The following SLC9C1 variants were observed in gnomAD, a reference collection of about 807,000 sequenced individuals.
SLC9C1 encodes solute carrier family 9 member C1.
In SLC9C1, 97 loss-of-function variants were observed where a neutral mutation model predicts 140.9. The ratio of observed to expected loss-of-function variants is 0.69; its 90% CI spans 0.58 to 0.82. SLC9C1 has a LOEUF of 0.82. SLC9C1 is among the 40% of genes least tolerant of loss of function. The probability of loss-of-function intolerance (pLI) is 0.00; values close to 1 mark genes in which losing one functional copy is unlikely to be tolerated. For missense variants in SLC9C1, 1,340 were observed against 1,389.3 expected, an observed-to-expected ratio of 0.96 and a Z score of 0.56; for synonymous variants, 440 against 442.6, an observed-to-expected ratio of 0.99 and a Z score of 0.07.
In SLC9C1 at chr3:112,184,756, C is replaced by T. The variant is rs554345382; in HGVS notation, c.2524-2498G>A. On this transcript the variant is annotated intron_variant, in intron 20 of 28. Transcript: ENST00000305815. ...CCACAAGCATGGATCAGCCCCCAGCCGGACCCCCTGAGGCTACAAACCGTG... is the reference window on the plus strand; with the variant it reads ...CCACAAGCATGGATCAGCCCCCAGCTGGACCCCCTGAGGCTACAAACCGTG... Among the ~76,000 whole-genome samples the T allele has an allele frequency of 5.9e-5, 9 of 152,324 alleles. No homozygotes were observed. In the South Asian group the frequency reaches 1.2e-3, roughly 21 times the overall value.
At chr3:112,217,764 A>G (rs1394253173) in intron 14 of SLC9C1, among the ~76,000 whole-genome samples, 1 of 152,202 alleles carries the variant, frequency 6.6e-6, no homozygotes, top group African/African-American at 2.4e-5. Context: ...AACAGAGAGT[A>G]TTAAAAATTG....
At chr3:112,237,526 T>C (rs1182317006) in intron 12 of SLC9C1, among the ~76,000 whole-genome samples, 1 of 152,196 alleles carries the variant, frequency 6.6e-6, no homozygotes, top group African/African-American at 2.4e-5. Flanking sequence ...TTTTGCTCGT[T>C]AGTTGATGCA....
intron 23 of SLC9C1, among the ~76,000 whole-genome samples, chr3:112,174,663 T>A (rs2077304043): frequency 2.0e-5 from 3 of 152,256 alleles, no homozygotes; most frequent in South Asian, 4.1e-4. Flanking sequence ...ATATGGTGGC[T>A]GCCATGTGCT....
chr3:112,202,714 C>T (rs2077937619), intron 17 of SLC9C1, among the ~76,000 whole-genome samples: 2 of 151,964 alleles, frequency 1.3e-5, no homozygotes. Flanking sequence ...AATTAATCTT[C>T]TGTGCTTAGG....
chr3:112,227,082 A>G (rs1174425620), intron 13 of SLC9C1, among the ~76,000 whole-genome samples: 1 of 152,138 alleles, frequency 6.6e-6, no homozygotes, highest in Non-Finnish European at 1.5e-5. Context: ...CCTGGGGGGA[A>G]TGGATAAATT....
In SLC9C1 at chr3:112,244,052, A is replaced by G; in HGVS notation, c.1222T>C (p.Cys408Arg). The G allele has an allele frequency of 6.2e-7, 1 of 1,605,672 alleles. No homozygotes were observed. The highest frequency in any genetic ancestry group is 8.5e-7 in the Non-Finnish European group (1 of 1,175,332). ...CTATTGACAACAAGGGTTATTAGGC[A>G]TACTAACACTCCATGAAATAATATC... ...SQILFHGVLV[C>R]LITLVVNRFI... is the part of the protein sequence containing the mutation. The change falls in exon 11 of 29, where the codon TGC (cysteine) becomes CGC (arginine). Residue 408 changes from cysteine to arginine, a missense_variant. By Grantham distance (180) the Cys-to-Arg change is radical. Coordinates refer to ENST00000305815, the MANE Select transcript of SLC9C1 (RefSeq NM_183061.3).
At chr3:112,169,084 C>T (rs1320543931) in intron 24 of SLC9C1, 22 bp from the exon 25 acceptor site, 4 of 1,575,242 alleles carry the variant, frequency 2.5e-6, no homozygotes, top group Non-Finnish European at 3.4e-6. Flanking sequence ...AACACAATTT[C>T]AGTCTATTAT....
Position 112,186,089 on chromosome 3 carries a change from ACTTT to A in SLC9C1, c.2524-3835_2524-3832del, listed in dbSNP as rs1409647168. 4 of 956,032 alleles carry A rather than the reference ACTTT, an allele frequency of 4.2e-6. No individual in the cohort carries two copies. In the East Asian group the frequency reaches 1.1e-4, roughly 26 times the overall value. 59.2% of individuals were successfully genotyped at this position (956,032 alleles called of 1,614,324 possible). On this transcript the variant is annotated intron_variant, in intron 20 of 28. Coordinates refer to ENST00000305815, the MANE Select transcript of SLC9C1 (RefSeq NM_183061.3). ...AAATCTTTTGCCCATTAAAAAATGA[ACTTT>A]CTGTCTTGTTCTTACTGATTTGTAT...
At chr3:112,239,510 G>A (rs1330744117) in intron 12 of SLC9C1, among the ~76,000 whole-genome samples, 2 of 152,226 alleles carry the variant, frequency 1.3e-5, no homozygotes, top group Admixed American at 6.5e-5. Flanking sequence ...TGGTACCTCA[G>A]TTGGAAATGC....
intron 26 of SLC9C1, among the ~76,000 whole-genome samples, chr3:112,165,416 C>A (rs1157615275): frequency 6.6e-6 from 1 of 152,170 alleles, no homozygotes; most frequent in Non-Finnish European, 1.5e-5. Context: ...TACCTTTGGT[C>A]TTTAATGATG....
chr3:112,263,658 T>C (rs2079838053), intron 9 of SLC9C1, among the ~76,000 whole-genome samples: 2 of 151,894 alleles, frequency 1.3e-5, no homozygotes, highest in South Asian at 4.1e-4. Flanking sequence ...TGTTAATCAT[T>C]TGAGTAATGG....
chr3:112,281,966 A>T (rs896107859), intron 2 of SLC9C1, among the ~76,000 whole-genome samples: 5 of 152,242 alleles, frequency 3.3e-5, no homozygotes, highest in African/African-American at 1.2e-4. Flanking sequence ...GATCATCCAC[A>T]TCAGATTGTG....
intron 26 of SLC9C1, among the ~76,000 whole-genome samples, chr3:112,159,761 T>C (rs1316445164): frequency 6.6e-6 from 1 of 152,148 alleles, no homozygotes; most frequent in Non-Finnish European, 1.5e-5. Context: ...CATACGTATA[T>C]TGACAATTGT....
intron 15 of SLC9C1, among the ~76,000 whole-genome samples, chr3:112,214,634 A>G (rs1423842707): frequency 2.6e-5 from 4 of 152,004 alleles, no homozygotes; most frequent in Non-Finnish European, 5.9e-5. Flanking sequence ...TTCCTGGACA[A>G]TACACCCTCC....
At chr3:112,274,417 C>T (rs1280060525) in intron 6 of SLC9C1, among the ~76,000 whole-genome samples, 5 of 152,108 alleles carry the variant, frequency 3.3e-5, no homozygotes, top group Admixed American at 6.6e-5. Context: ...ACTTTGCAAT[C>T]CCTCTGCTTA....
At chr3:112,229,602 AT>A (rs1241700838) in intron 13 of SLC9C1, among the ~76,000 whole-genome samples, 1 of 151,920 alleles carries the variant, frequency 6.6e-6, no homozygotes, top group Non-Finnish European at 1.5e-5. Flanking sequence ...GGGTGTATAG[AT>A]TTTTTTAAGG....
intron 14 of SLC9C1, among the ~76,000 whole-genome samples, chr3:112,219,800 C>A (rs10934138): frequency 6.6e-6 from 1 of 151,852 alleles, no homozygotes; most frequent in Non-Finnish European, 1.5e-5. Context: ...AGGCTGGTCT[C>A]GAACTCCTGA....
chr3:112,208,345 T>C lies in SLC9C1; in HGVS notation c.1819A>G (p.Ile607Val), dbSNP rs756980017. Reference protein sequence around the residue: ...KYFFFRICHTIVFTEEFEHVG... With the variant: ...KYFFFRICHTVVFTEEFEHVG... ...TGTTCAAATTCCTCAGTAAATACTATTGTATGGCATATACGAAAAAAGAAG... is the reference window on the plus strand; with the variant it reads ...TGTTCAAATTCCTCAGTAAATACTACTGTATGGCATATACGAAAAAAGAAG... The change falls in exon 16 of 29, where the codon ATA (isoleucine) becomes GTA (valine). Residue 607 changes from isoleucine to valine, a missense_variant. By Grantham distance (29) the Ile-to-Val change is conservative. Coordinates refer to ENST00000305815, the MANE Select transcript of SLC9C1 (RefSeq NM_183061.3). 2.9e-5 allele frequency: 46 copies of C among 1,576,670 alleles called. No homozygotes were observed. Among genetic ancestry groups the C allele is most frequent in the Non-Finnish European group, 3.7e-5 (43 of 1,163,052 alleles).
chr3:112,157,012 A>G (rs1259613992), intron 26 of SLC9C1, among the ~76,000 whole-genome samples: 3 of 152,088 alleles, frequency 2.0e-5, no homozygotes, highest in African/African-American at 7.2e-5. Flanking sequence ...GTTGTGCAGA[A>G]GCTTTTTAGC....
Sources: allele counts gnomAD v4.1 joint callset (sites outside exome capture counted in the v4.1 genomes callset), GRCh38; gene constraint gnomAD v4.1.1; transcripts MANE v1.5; gene names NCBI Gene and HGNC (gene_info 2026-07-23, HGNC 2026-07-21).